The following EEFSEC variants were observed in gnomAD, a reference collection of about 807,000 sequenced individuals.
The protein encoded by EEFSEC is eukaryotic elongation factor, selenocysteine-tRNA specific.
A neutral mutation model predicts 42.1 loss-of-function variants in EEFSEC; 43 were observed. That is an observed-to-expected ratio of 1.02 (90% CI 0.80 to 1.32). The LOEUF is 1.32. Among genes scored for constraint, EEFSEC ranks in the 40% most tolerant of loss-of-function variants. The probability of loss-of-function intolerance (pLI) is 0.00; values close to 1 mark genes in which losing one functional copy is unlikely to be tolerated. For synonymous variants in EEFSEC, 354 were observed against 339.1 expected (o/e 1.04, Z -0.48); for missense variants, 745 against 803.6 (o/e 0.93, Z 0.88).
At chr3:128,313,195 A>G (rs1476368876) in intron 4 of EEFSEC, among the ~76,000 whole-genome samples, 1 of 152,224 alleles carries the variant, frequency 6.6e-6, no homozygotes, top group Non-Finnish European at 1.5e-5. Context: ...GCCAGTTGAT[A>G]GTGTGCCTCT....
intron 4 of EEFSEC, among the ~76,000 whole-genome samples, chr3:128,330,293 G>A (rs2067112256): frequency 6.6e-6 from 1 of 152,144 alleles, no homozygotes; most frequent in East Asian, 1.9e-4. Context: ...GATGGTCAGG[G>A]GCCTTTGCTG....
intron 6 of EEFSEC, among the ~76,000 whole-genome samples, chr3:128,392,904 A>C (rs1451591920): frequency 2.6e-5 from 4 of 152,150 alleles, no homozygotes; most frequent in Non-Finnish European, 4.4e-5. Context: ...CCCCCTCCCC[A>C]GACCTCCTTC....
intron 3 of EEFSEC, among the ~76,000 whole-genome samples, chr3:128,263,768 T>A (rs1273910259): frequency 6.6e-6 from 1 of 152,098 alleles, no homozygotes; most frequent in Non-Finnish European, 1.5e-5. Flanking sequence ...TGTTTTCATT[T>A]GTTTATTGGT....
chr3:128,263,379 G>A (rs1309304484), intron 3 of EEFSEC, among the ~76,000 whole-genome samples: 2 of 152,230 alleles, frequency 1.3e-5, no homozygotes, highest in African/African-American at 4.8e-5. Flanking sequence ...GATGAGATGT[G>A]ACCACGTACA....
intron 5 of EEFSEC, among the ~76,000 whole-genome samples, chr3:128,342,648 T>C (rs2067268675): frequency 6.6e-6 from 1 of 152,134 alleles, no homozygotes; most frequent in Non-Finnish European, 1.5e-5. Context: ...GGGCGGCCCT[T>C]GGCCTTGTGC....
intron 1 of EEFSEC, among the ~76,000 whole-genome samples, chr3:128,244,172 C>G (rs1252450143): frequency 6.6e-6 from 1 of 152,220 alleles, no homozygotes; most frequent in Non-Finnish European, 1.5e-5. Flanking sequence ...GTTCCTCCCT[C>G]CTTGTTCCCT....
chr3:128,416,063 G>T, the EEFSEC span, among the ~76,000 whole-genome samples: 1 of 152,218 alleles, frequency 6.6e-6, no homozygotes, highest in South Asian at 2.1e-4. Flanking sequence ...GCCCAGCCCT[G>T]CCTCCCACCA....
At position 128,241,201 on chromosome 3, in the gene EEFSEC, CTTTTTTT is replaced by C. The variant is rs373420882; in HGVS notation, c.317-5618_317-5612del. 5.0e-5 allele frequency among the ~76,000 whole-genome samples: 4 copies of C among 80,668 alleles called. No homozygotes were observed. The Admixed American group carries it at 5.4e-4, about 11-fold the overall frequency. 52.9% of individuals were successfully genotyped at this position (80,668 alleles called of 152,430 possible). ...AAGCCTTTGTCCTCTCTCTCTCTCT[CTTTTTTT>C]TTTTTTTTTTTTTTTTGAGACAGGG... On this transcript the variant is annotated intron_variant, in intron 1 of 6. Coordinates refer to ENST00000254730, the MANE Select transcript of EEFSEC (RefSeq NM_021937.5).
chr3:128,309,820 G>A (rs1459499288), intron 4 of EEFSEC, among the ~76,000 whole-genome samples: 3 of 152,188 alleles, frequency 2.0e-5, no homozygotes, highest in Non-Finnish European at 2.9e-5. Flanking sequence ...TGGACACACC[G>A]ATTCTTGGCG....
intron 6 of EEFSEC, chr3:128,367,762 T>TCA (rs2067607329): frequency 2.0e-6 from 2 of 985,304 alleles, no homozygotes; most frequent in African/African-American, 3.5e-5. Flanking sequence ...CCTGGCCATA[T>TCA]CACTGGCTCC....
chr3:128,350,773 T>C (rs186477448), intron 5 of EEFSEC, among the ~76,000 whole-genome samples: 41 of 152,296 alleles, frequency 2.7e-4, no homozygotes, highest in African/African-American at 9.9e-4. Context: ...GGCAAGTCAC[T>C]CTCCCCCAGA....
intron 1 of EEFSEC, among the ~76,000 whole-genome samples, chr3:128,161,709 C>A (rs1324571950): frequency 2.0e-5 from 3 of 152,202 alleles, no homozygotes; most frequent in Non-Finnish European, 2.9e-5. Flanking sequence ...GTGTTCTTGG[C>A]GCCCATGTGG....
At chr3:128,193,372 C>G (rs929289630) in intron 1 of EEFSEC, among the ~76,000 whole-genome samples, 2 of 152,204 alleles carry the variant, frequency 1.3e-5, no homozygotes, top group Non-Finnish European at 2.9e-5. Context: ...GAGGGTGTTG[C>G]TCTCTGCAGA....
At chr3:128,410,973 C>G (rs1002275272), downstream of EEFSEC, among the ~76,000 whole-genome samples, 1 of 152,146 alleles carries the variant, frequency 6.6e-6, no homozygotes, top group Admixed American at 6.5e-5. Flanking sequence ...CTCCCAGGAG[C>G]CTCTGAGCGC....
chr3:128,224,646 T>C (rs1023632873), intron 1 of EEFSEC, among the ~76,000 whole-genome samples: 1 of 152,216 alleles, frequency 6.6e-6, no homozygotes, highest in Non-Finnish European at 1.5e-5. Flanking sequence ...TTTAAACAAA[T>C]TTATGAGATC....
intron 1 of EEFSEC, among the ~76,000 whole-genome samples, chr3:128,222,640 A>G (rs1040546777): frequency 6.6e-6 from 1 of 152,226 alleles, no homozygotes; most frequent in Non-Finnish European, 1.5e-5. Context: ...GAATGTATGC[A>G]CTGTGTACAA....
At chr3:128,206,975 C>T (rs866811319) in intron 1 of EEFSEC, among the ~76,000 whole-genome samples, 1 of 152,142 alleles carries the variant, frequency 6.6e-6, no homozygotes, top group African/African-American at 2.4e-5. Context: ...CAGACTGGCC[C>T]GTGCAGCACT....
At chr3:128,300,407 A>G (rs1383422123) in intron 4 of EEFSEC, among the ~76,000 whole-genome samples, 1 of 152,124 alleles carries the variant, frequency 6.6e-6, no homozygotes, top group Non-Finnish European at 1.5e-5. Context: ...ATCGAGGCCA[A>G]CATGGTGAAA....
intron 2 of EEFSEC, among the ~76,000 whole-genome samples, chr3:128,249,547 G>A (rs1379615181): frequency 6.6e-6 from 1 of 151,830 alleles, no homozygotes; most frequent in Non-Finnish European, 1.5e-5. Context: ...ACTTTTTCAT[G>A]ACCCCCAACA....
Sources: allele counts gnomAD v4.1 joint callset (sites outside exome capture counted in the v4.1 genomes callset), GRCh38; gene constraint gnomAD v4.1.1; transcripts MANE v1.5; gene names NCBI Gene and HGNC (gene_info 2026-07-23, HGNC 2026-07-21).